The following ZDHHC14 variants were observed in gnomAD, a reference collection of about 807,000 sequenced individuals.
ZDHHC14 encodes zDHHC palmitoyltransferase 14, also known as palmitoyltransferase ZDHHC14.
A neutral mutation model predicts 47.7 loss-of-function variants in ZDHHC14; 16 were observed. The observed-to-expected ratio is 0.34, with a 90% confidence interval of 0.23 to 0.51. ZDHHC14 has a LOEUF of 0.51. Among genes scored for constraint, ZDHHC14 ranks in the 20% least tolerant of loss-of-function variants. ZDHHC14 has a pLI of 0.97. For synonymous variants in ZDHHC14, 293 were observed against 278.9 expected (o/e 1.05, Z -0.50); for missense variants, 515 against 662.5 (o/e 0.78, Z 2.44).
At chr6:157,529,796 C>G (rs1002590871) in intron 1 of ZDHHC14, among the ~76,000 whole-genome samples, 3 of 152,146 alleles carry the variant, frequency 2.0e-5, no homozygotes, top group African/African-American at 7.2e-5. Flanking sequence ...AAGTGTAGGC[C>G]TCATTGTGGT....
At chr6:157,590,746 C>T (rs527874398) in intron 2 of ZDHHC14, among the ~76,000 whole-genome samples, 2 of 152,342 alleles carry the variant, frequency 1.3e-5, no homozygotes, top group South Asian at 4.1e-4. Flanking sequence ...GAGAAGAGGG[C>T]CACCATCCTC....
chr6:157,654,230 C>G (rs1777979445), intron 8 of ZDHHC14, among the ~76,000 whole-genome samples: 1 of 152,086 alleles, frequency 6.6e-6, no homozygotes, highest in Non-Finnish European at 1.5e-5. Flanking sequence ...AGGTTTCTAG[C>G]GTGCAGGTTT....
rs919741722 is a variant in ZDHHC14, at chr6:157,632,735, A to G, written c.704-99A>G. ...AGCACTTACAAAATAGAATTATTTC[A>G]TTGATCTTTAGCCATCTATTATTTT... is the stretch of plus-strand genomic sequence containing the variant. On this transcript the variant is annotated intron_variant, in intron 4 of 8. Transcript: ENST00000359775. 3.5e-6 allele frequency: 4 copies of G among 1,145,150 alleles called. No homozygotes were observed. In the African/African-American group the frequency reaches 6.1e-5, roughly 17 times the overall value. 70.9% of individuals were successfully genotyped at this position (1,145,150 alleles called of 1,614,324 possible).
chr6:157,641,009 T>G (rs997065755), intron 5 of ZDHHC14, among the ~76,000 whole-genome samples: 3 of 152,220 alleles, frequency 2.0e-5, no homozygotes, highest in African/African-American at 7.2e-5. Flanking sequence ...TAAAAAGGAC[T>G]CTTTTTTTTG....
At chr6:157,667,659 A>G (rs1335536223) in intron 8 of ZDHHC14, among the ~76,000 whole-genome samples, 1 of 151,704 alleles carries the variant, frequency 6.6e-6, no homozygotes, top group East Asian at 1.9e-4. Context: ...TGTCATGGCC[A>G]TCTCCACAGT....
At chr6:157,399,974 A>G (rs1777596709) in intron 1 of ZDHHC14, among the ~76,000 whole-genome samples, 1 of 152,244 alleles carries the variant, frequency 6.6e-6, no homozygotes, top group Admixed American at 6.5e-5. Flanking sequence ...TTCAAAAGCC[A>G]TCAACACTGA....
intron 8 of ZDHHC14, among the ~76,000 whole-genome samples, chr6:157,664,776 T>C (rs1214854592): frequency 6.6e-6 from 1 of 152,174 alleles, no homozygotes; most frequent in Non-Finnish European, 1.5e-5. Context: ...CTATTTCTCT[T>C]TCAGCCACAT....
intron 1 of ZDHHC14, among the ~76,000 whole-genome samples, chr6:157,448,248 T>C (rs1019732465): frequency 6.6e-6 from 1 of 152,182 alleles, no homozygotes; most frequent in Non-Finnish European, 1.5e-5. Context: ...ACTGAAAGGA[T>C]GTTTTTGGGG....
intron 1 of ZDHHC14, among the ~76,000 whole-genome samples, chr6:157,413,186 T>A (rs1046711009): frequency 2.0e-5 from 3 of 152,068 alleles, no homozygotes; most frequent in Non-Finnish European, 4.4e-5. Context: ...GTAGAAGCGG[T>A]GATGTGAGGC....
intron 2 of ZDHHC14, among the ~76,000 whole-genome samples, chr6:157,548,195 A>AT (rs1782065313): frequency 6.6e-6 from 1 of 151,616 alleles, no homozygotes; most frequent in Non-Finnish European, 1.5e-5. Context: ...AGAAGGTGAG[A>AT]TTTTCTGAAC....
intron 3 of ZDHHC14, among the ~76,000 whole-genome samples, chr6:157,625,012 G>A (rs964120510): frequency 2.0e-5 from 3 of 152,252 alleles, no homozygotes; most frequent in African/African-American, 7.2e-5. Flanking sequence ...GAGAGGCGGA[G>A]GGGGATCATT....
chr6:157,383,434 T>A (rs1012821782), intron 1 of ZDHHC14, among the ~76,000 whole-genome samples: 2 of 152,354 alleles, frequency 1.3e-5, no homozygotes. Context: ...TATTTACTTT[T>A]GTTTCTGATT....
At position 157,582,020 on chromosome 6, in the gene ZDHHC14, T is replaced by G. The variant is rs2114874814; in HGVS notation, c.407-10968T>G. ...AAGTGATTCACCCACCTCAACCTCC[T>G]GAGTAGCTGGAACTACAGGCACACG... is the stretch of plus-strand genomic sequence containing the variant. On this transcript the variant is annotated intron_variant, in intron 2 of 8. Coordinates refer to ENST00000359775, the MANE Select transcript of ZDHHC14 (RefSeq NM_024630.3). This position sits in a 1 kb window ranked among gnomAD's most constrained non-coding sequence, Gnocchi z 4.3. Among the ~76,000 whole-genome samples the G allele has an allele frequency of 6.6e-6, 1 of 152,224 alleles. No individual in the cohort carries two copies. The highest frequency in any genetic ancestry group is 2.1e-4 in the South Asian group (1 of 4,806).
intron 2 of ZDHHC14, among the ~76,000 whole-genome samples, chr6:157,588,301 A>C (rs1318567131): frequency 1.3e-5 from 2 of 151,896 alleles, no homozygotes; most frequent in African/African-American, 4.8e-5. Context: ...AATTTAAAAA[A>C]TTTAAAAATT....
chr6:157,523,728 C>CAAA (rs1246190746), intron 1 of ZDHHC14, among the ~76,000 whole-genome samples: 1 of 121,308 alleles, frequency 8.2e-6, no homozygotes, highest in African/African-American at 2.9e-5. Flanking sequence ...CTCGCTTATA[C>CAAA]AAAAAAAAAA....
chr6:157,454,201 C>T (rs1778863967), intron 1 of ZDHHC14, among the ~76,000 whole-genome samples: 1 of 152,184 alleles, frequency 6.6e-6, no homozygotes, highest in African/African-American at 2.4e-5. Context: ...TGTATCAGCA[C>T]TTCCATCATC....
At chr6:157,670,299 A>T (rs1448083941) in intron 8 of ZDHHC14, among the ~76,000 whole-genome samples, 1 of 152,056 alleles carries the variant, frequency 6.6e-6, no homozygotes, top group African/African-American at 2.4e-5. Flanking sequence ...CTTTTTATTT[A>T]TTTATTTATT....
At chr6:157,458,366 G>A (rs1474709000) in intron 1 of ZDHHC14, among the ~76,000 whole-genome samples, 1 of 152,218 alleles carries the variant, frequency 6.6e-6, no homozygotes, top group South Asian at 2.1e-4. Context: ...GTTTGTGGAT[G>A]GGCGGACAAC....
intron 1 of ZDHHC14, among the ~76,000 whole-genome samples, chr6:157,483,352 A>G (rs1779678775): frequency 6.6e-6 from 1 of 152,286 alleles, no homozygotes; most frequent in Non-Finnish European, 1.5e-5. Flanking sequence ...CTGCCTTACA[A>G]AACGGCAGCG....
Sources: gnomAD v4.1 joint callset for allele counts (sites outside exome capture counted in the v4.1 genomes callset) on GRCh38, gnomAD v4.1.1 for gene constraint, Gnocchi (gnomAD v3.1) non-coding constraint, MANE v1.5 for transcripts, NCBI Gene and HGNC (gene_info 2026-07-23, HGNC 2026-07-21) for gene names.